The following CHRNA9 variants were observed in gnomAD, a reference collection of about 807,000 sequenced individuals.
The protein encoded by CHRNA9 is cholinergic receptor nicotinic alpha 9 subunit.
CHRNA9 carries 24 observed loss-of-function variants against 36.8 expected under a neutral mutation model. The ratio of observed to expected loss-of-function variants is 0.65; its 90% CI spans 0.47 to 0.92. The LOEUF is 0.92. CHRNA9 is among the 40% of genes least tolerant of loss of function. The pLI is 0.00. For missense variants in CHRNA9, 610 were observed against 601.2 expected (o/e 1.01, Z -0.15); for synonymous variants, 231 against 231.8 (o/e 1.00, Z 0.03).
intron 3 of CHRNA9, among the ~76,000 whole-genome samples, chr4:40,343,821 A>G (rs928996874): frequency 2.0e-5 from 3 of 152,240 alleles, no homozygotes; most frequent in Non-Finnish European, 4.4e-5. Context: ...ATGTGTCTGC[A>G]TGGAGCTGGG....
intron 3 of CHRNA9, among the ~76,000 whole-genome samples, chr4:40,342,059 G>A (rs1049785195): frequency 2.0e-5 from 3 of 152,188 alleles, no homozygotes; most frequent in African/African-American, 7.2e-5. Flanking sequence ...CCAGTGGTTG[G>A]ATTTTAATGA....
At position 40,349,024 on chromosome 4, in the gene CHRNA9, A is replaced by C. The variant is rs1560318058; in HGVS notation, c.508A>C (p.Asn170His). 6.2e-7 allele frequency: 1 copy of C among 1,614,104 alleles called. No homozygotes were observed. The highest frequency in any genetic ancestry group is 2.2e-5 in the East Asian group (1 of 44,900). The stretch of plus-strand genomic sequence containing the variant: ...CTTCCCTTTTGACAACCAGCAGTGC[A>C]ACCTGACTTTTGGTTCCTGGACCTA... ...TYFPFDNQQC[N>H]LTFGSWTYNG... The change falls in exon 4 of 5, where the codon AAC becomes CAC. Residue 170 changes from asparagine (N) to histidine (H), a missense_variant. Coordinates refer to ENST00000310169, the MANE Select transcript of CHRNA9 (RefSeq NM_017581.4).
At chr4:40,341,036 A>G (rs944249059) in intron 3 of CHRNA9, among the ~76,000 whole-genome samples, 1 of 151,704 alleles carries the variant, frequency 6.6e-6, no homozygotes, top group African/African-American at 2.4e-5. Context: ...GTCCCAAGAA[A>G]TAGTGAGCTT....
At chr4:40,350,951 T>C (rs1415627890) in intron 4 of CHRNA9, among the ~76,000 whole-genome samples, 1 of 152,164 alleles carries the variant, frequency 6.6e-6, no homozygotes, top group Non-Finnish European at 1.5e-5. Context: ...TCACAGGAAT[T>C]GCTTGTTCTG....
At chr4:40,337,188 G>A (rs1442824803) in intron 2 of CHRNA9, 22 bp from the exon 3 acceptor site, 10 of 1,610,116 alleles carry the variant, frequency 6.2e-6, no homozygotes, top group South Asian at 1.1e-5. Flanking sequence ...TAGGTAAAGC[G>A]ACATCTGGAT....
In CHRNA9 at chr4:40,348,749, G is replaced by A. The variant is rs146188471; in HGVS notation, c.366-133G>A. ...AAATTAGAGTTGATTCCAGACTTCC[G>A]AGCCACAGTGACAGGCAAAATGGTG... On this transcript the variant is annotated intron_variant, in intron 3 of 4. Coordinates refer to ENST00000310169, the MANE Select transcript of CHRNA9 (RefSeq NM_017581.4). 16 of 802,368 alleles carry A rather than the reference G, an allele frequency of 2.0e-5. No individual in the cohort carries two copies. In the East Asian group the frequency reaches 2.3e-4, roughly 12 times the overall value. The allele number at this position is 802,368 out of a possible 1,614,324, so 49.7% of individuals were successfully genotyped here. A position where few individuals can be genotyped will look rare whatever the true frequency, so the allele number is the denominator to read the frequency against.
At position 40,349,424 on chromosome 4, in the gene CHRNA9, A is replaced by G. The variant is rs765346366; in HGVS notation, c.898+10A>G. On this transcript the variant is annotated intron_variant, in intron 4 of 4. Transcript: ENST00000310169. ...AATGTGCCCCTGATAGGTGAGTCCA[A>G]GTGTCTTCCACTTCAAGCCCAGCTT... The G allele has an allele frequency of 4.4e-6, 7 of 1,605,452 alleles. No homozygotes were observed. The highest frequency in any genetic ancestry group is 6.0e-6 in the Non-Finnish European group (7 of 1,175,188).
chr4:40,347,855 A>G (rs1050393735), intron 3 of CHRNA9: 9 of 152,374 alleles, frequency 5.9e-5, no homozygotes, highest in African/African-American at 2.2e-4. Flanking sequence ...TGTAAGGAAG[A>G]CTTCAAAAAT....
chr4:40,338,870 C>T (rs7440860), intron 3 of CHRNA9, among the ~76,000 whole-genome samples: 1 of 100,780 alleles, frequency 9.9e-6, no homozygotes, highest in African/African-American at 4.6e-5. Context: ...CTCTCTCTGT[C>T]TCTCTCTCTC....
intron 4 of CHRNA9, among the ~76,000 whole-genome samples, chr4:40,352,417 G>A (rs935732677): frequency 2.7e-4 from 41 of 152,080 alleles, no homozygotes; most frequent in African/African-American, 9.7e-4. Flanking sequence ...TAGAGACGGG[G>A]TTTCACCATG....
chr4:40,344,638 G>T (rs1712587430), intron 3 of CHRNA9, among the ~76,000 whole-genome samples: 1 of 152,016 alleles, frequency 6.6e-6, no homozygotes, highest in African/African-American at 2.4e-5. Flanking sequence ...AAGCCTTAAG[G>T]TATTATAATG....
At chr4:40,338,419 A>C (rs1056789051) in intron 3 of CHRNA9, among the ~76,000 whole-genome samples, 1 of 152,102 alleles carries the variant, frequency 6.6e-6, no homozygotes, top group African/African-American at 2.4e-5. Context: ...AAAATACCAG[A>C]TCTCTGGTCA....
At chr4:40,337,746 G>A (rs1712369994) in intron 3 of CHRNA9, among the ~76,000 whole-genome samples, 1 of 152,214 alleles carries the variant, frequency 6.6e-6, no homozygotes, top group African/African-American at 2.4e-5. Flanking sequence ...TGAGGGCTGT[G>A]AGGGAGGATC....
chr4:40,354,636 T>C lies in CHRNA9; in HGVS notation c.*116T>C. 1 of 863,322 alleles carries C rather than the reference T, an allele frequency of 1.2e-6. No individual in the cohort carries two copies. The highest frequency in any genetic ancestry group is 1.8e-6 in the Non-Finnish European group (1 of 556,264). 53.5% of individuals were successfully genotyped at this position (863,322 alleles called of 1,614,324 possible). A position where few individuals can be genotyped will look rare whatever the true frequency, so the allele number is the denominator to read the frequency against. ...AATTTAGGGGTTATGTTGTCTGTGC[T>C]TTTTATTTTTAGCTTCAAATGAATG... On this transcript the variant is annotated 3_prime_UTR_variant, in exon 5 of 5. Transcript: ENST00000310169.
At chr4:40,336,566 T>C (rs1177518820) in intron 2 of CHRNA9, among the ~76,000 whole-genome samples, 1 of 152,118 alleles carries the variant, frequency 6.6e-6, no homozygotes, top group Non-Finnish European at 1.5e-5. Context: ...AAGCTCTGCC[T>C]CCTGGGTTCA....
In CHRNA9 at chr4:40,349,367, T is replaced by C; in HGVS notation, c.851T>C (p.Leu284Pro). Residue 284 changes from leucine to proline, a missense_variant, in exon 4 of 5, where the codon CTA (leucine) becomes CCA (proline). Physicochemically the swap from Leu to Pro is moderately conservative, Grantham distance 98. Transcript: ENST00000310169. ...CTGTTGGCCATGACTGTATTTCAGC[T>C]AATGGTGGCAGAAATCATGCCGGCC... ...TILLAMTVFQ[L>P]MVAEIMPASE... 6.2e-7 allele frequency: 1 copy of C among 1,614,030 alleles called. No individual in the cohort carries two copies. The highest frequency in any genetic ancestry group is 8.5e-7 in the Non-Finnish European group (1 of 1,179,942).
chr4:40,347,535 A>T (rs1712669367), intron 3 of CHRNA9, among the ~76,000 whole-genome samples: 1 of 152,214 alleles, frequency 6.6e-6, no homozygotes, highest in South Asian at 2.1e-4. Context: ...ACGTATTTTT[A>T]AAAATTTTGT....
Position 40,335,973 on chromosome 4 carries a change from G to T in CHRNA9, c.210+1G>T, listed in dbSNP as rs771777799. ...TACGCTCTCTCAGATTAAGGATATG[G>T]TGAGTAACACATGGTGCTGACTCTG... On this transcript the variant is annotated splice_donor_variant, in intron 2 of 4. Transcript: ENST00000310169. LOFTEE classifies it high-confidence loss of function. 6.2e-7 allele frequency: 1 copy of T among 1,611,436 alleles called. No individual in the cohort carries two copies.
intron 1 of CHRNA9, 72 bp downstream of exon 1, chr4:40,335,603 A>G: frequency 8.1e-7 from 1 of 1,232,680 alleles, no homozygotes; most frequent in Non-Finnish European, 1.2e-6. Context: ...GTGGGGCAGG[A>G]CAGGGAAGAC....
Sources: allele counts gnomAD v4.1 joint callset (sites outside exome capture counted in the v4.1 genomes callset), GRCh38; gene constraint gnomAD v4.1.1; transcripts MANE v1.5; gene names NCBI Gene and HGNC (gene_info 2026-07-23, HGNC 2026-07-21).